Variants in ARHGAP26 observed in about 807,000 individuals in gnomAD.
ARHGAP26 encodes the protein Rho GTPase activating protein 26.
A neutral mutation model predicts 104.8 loss-of-function variants in ARHGAP26; 38 were observed. The ratio of observed to expected loss-of-function variants is 0.36; its 90% CI spans 0.28 to 0.48. The LOEUF is 0.48. Ranked by LOEUF, ARHGAP26 falls within the 20% of genes least tolerant of loss-of-function variation. ARHGAP26 has a pLI of 0.99. For missense variants in ARHGAP26, 704 were observed against 947.9 expected, an observed-to-expected ratio of 0.74 and a Z score of 3.38; for synonymous variants, 341 against 340.0, an observed-to-expected ratio of 1.00 and a Z score of -0.03.
At chr5:142,959,817 C>T (rs1392428092) in intron 11 of ARHGAP26, among the ~76,000 whole-genome samples, 2 of 152,186 alleles carry the variant, frequency 1.3e-5, no homozygotes, top group Non-Finnish European at 2.9e-5. Context: ...ATTGAATAAC[C>T]ACAGGAGGGA....
intron 1 of ARHGAP26, among the ~76,000 whole-genome samples, chr5:142,856,784 A>G (rs898497607): frequency 2.0e-5 from 3 of 152,222 alleles, no homozygotes; most frequent in African/African-American, 4.8e-5. Flanking sequence ...GGATGTTTGT[A>G]GGTTATATGC....
intron 1 of ARHGAP26, among the ~76,000 whole-genome samples, chr5:142,824,361 C>G (rs1366520242): frequency 6.6e-6 from 1 of 152,170 alleles, no homozygotes; most frequent in Non-Finnish European, 1.5e-5. Context: ...TCGTCCCTAT[C>G]AAACACCACA....
At chr5:142,788,780 G>A (rs1436999674) in intron 1 of ARHGAP26, among the ~76,000 whole-genome samples, 3 of 152,228 alleles carry the variant, frequency 2.0e-5, no homozygotes, top group Non-Finnish European at 4.4e-5. Flanking sequence ...ATTGGTATCT[G>A]TTGGGAGTCC....
At chr5:142,795,100 A>G (rs948269602) in intron 1 of ARHGAP26, among the ~76,000 whole-genome samples, 4 of 151,902 alleles carry the variant, frequency 2.6e-5, no homozygotes, top group Non-Finnish European at 5.9e-5. Context: ...ACCATTCCTA[A>G]CTCACAGGTC....
intron 17 of ARHGAP26, among the ~76,000 whole-genome samples, chr5:143,072,523 A>G (rs1788425799): frequency 6.6e-6 from 1 of 152,228 alleles, no homozygotes; most frequent in South Asian, 2.1e-4. Context: ...CAGCAGATGA[A>G]TGGATAATAT....
rs190967458 is a variant in ARHGAP26, at chr5:143,024,152, G to A, written c.1144+10036G>A. On this transcript the variant is annotated intron_variant, in intron 12 of 22. Transcript: ENST00000645722. ...CAGGGGGCTGGAGAGAGAAGAAGGGGCAGGAACAGCTTGTTTTTGCAGATA... is the reference window on the plus strand; with the variant it reads ...CAGGGGGCTGGAGAGAGAAGAAGGGACAGGAACAGCTTGTTTTTGCAGATA... 2.1e-3 allele frequency among the ~76,000 whole-genome samples: 315 copies of A among 152,288 alleles called. 3 individuals are homozygous for A. The highest frequency in any genetic ancestry group is 7.1e-3 in the African/African-American group (295 of 41,552).
At chr5:142,910,608 G>A (rs368822956) in intron 9 of ARHGAP26, among the ~76,000 whole-genome samples, 46 of 152,112 alleles carry the variant, frequency 3.0e-4, no homozygotes, top group African/African-American at 1.1e-3. Flanking sequence ...GTGCAGTGGC[G>A]CATGCCTGTA....
intron 1 of ARHGAP26, among the ~76,000 whole-genome samples, chr5:142,781,480 T>C (rs545409169): frequency 1.1e-4 from 17 of 152,264 alleles, no homozygotes; most frequent in African/African-American, 3.4e-4. Flanking sequence ...TGAGAGTCAT[T>C]CTCTTCTTAA....
Position 142,789,160 on chromosome 5 carries a change from A to G in ARHGAP26, c.154+18245A>G, listed in dbSNP as rs189911198. The stretch of plus-strand genomic sequence containing the variant: ...CAAGTGCTTACTTGGGAGCATTGGA[A>G]GAGTTAAATGGGGTAGCACGTGCAA... On this transcript the variant is annotated intron_variant, in intron 1 of 22. Coordinates refer to ENST00000645722, the MANE Select transcript of ARHGAP26 (RefSeq NM_001135608.3). Among the ~76,000 whole-genome samples the G allele has an allele frequency of 6.8e-3, 1,037 of 152,356 alleles. 3 individuals carry two copies. Among genetic ancestry groups the G allele is most frequent in the Non-Finnish European group, 9.9e-3 (675 of 68,022 alleles).
intron 20 of ARHGAP26, among the ~76,000 whole-genome samples, chr5:143,148,865 A>G (rs1174614846): frequency 6.6e-6 from 1 of 152,106 alleles, no homozygotes; most frequent in Non-Finnish European, 1.5e-5. Context: ...CTGTATGAGC[A>G]AGGTTGAATT....
intron 19 of ARHGAP26, among the ~76,000 whole-genome samples, chr5:143,142,225 G>C (rs568813636): frequency 2.2e-5 from 3 of 133,822 alleles, no homozygotes; most frequent in Non-Finnish European, 3.0e-5. Context: ...TGCAACCTTC[G>C]CCTCCCGGGT....
intron 1 of ARHGAP26, among the ~76,000 whole-genome samples, chr5:142,838,324 T>C (rs1056645398): frequency 2.0e-5 from 3 of 152,200 alleles, no homozygotes; most frequent in Non-Finnish European, 4.4e-5. Flanking sequence ...GTATGGTACC[T>C]TAACAAGGAA....
intron 1 of ARHGAP26, among the ~76,000 whole-genome samples, chr5:142,850,748 CAGTCTG>C (rs1213964922): frequency 6.6e-6 from 1 of 152,322 alleles, no homozygotes; most frequent in African/African-American, 2.4e-5. Flanking sequence ...CTAACTTCTT[CAGTCTG>C]CATACATTTT....
chr5:143,066,103 A>G (rs1033154090), intron 17 of ARHGAP26, among the ~76,000 whole-genome samples: 1 of 152,300 alleles, frequency 6.6e-6, no homozygotes, highest in South Asian at 2.1e-4. Context: ...TTAAGATTAT[A>G]TCATGTTTTT....
At position 143,174,171 on chromosome 5, in the gene ARHGAP26, G is replaced by A. The variant is rs193259618; in HGVS notation, c.1988+26790G>A. ...ATCCAGCTCAGAGATTCTGTCCCAT[G>A]CAAAATAAAAGATAGGTAACAATCT... On this transcript the variant is annotated intron_variant, in intron 20 of 22. Coordinates refer to ENST00000645722, the MANE Select transcript of ARHGAP26 (RefSeq NM_001135608.3). 2.6e-5 allele frequency among the ~76,000 whole-genome samples: 4 copies of A among 152,302 alleles called. No homozygotes were observed. The East Asian group carries it at 5.8e-4, about 22-fold the overall frequency.
At chr5:142,963,181 T>TATATATATATATAC (rs1770609672) in intron 11 of ARHGAP26, among the ~76,000 whole-genome samples, 10 of 111,564 alleles carry the variant, frequency 9.0e-5, no homozygotes, top group African/African-American at 4.6e-4. Flanking sequence ...TGTATATATA[T>TATATATATATATAC]ATATATATAT....
rs1222472041 is a variant in ARHGAP26, at chr5:142,875,092, C to T, written c.251-18C>T. The T allele has an allele frequency of 1.2e-6, 2 of 1,611,490 alleles. No individual in the cohort carries two copies. Among genetic ancestry groups the T allele is most frequent in the Non-Finnish European group, 1.7e-6 (2 of 1,177,852 alleles). ...CCATGACACTCCTTCCACCTCATGG[C>T]CCCTTTCTGTTTTCCAGCAAGATCT... On this transcript the variant is annotated intron_variant, in intron 2 of 22. Coordinates refer to ENST00000645722, the MANE Select transcript of ARHGAP26 (RefSeq NM_001135608.3).
chr5:143,075,720 G>T (rs1042295499), intron 17 of ARHGAP26, among the ~76,000 whole-genome samples: 3 of 151,950 alleles, frequency 2.0e-5, no homozygotes, highest in African/African-American at 7.3e-5. Context: ...TGTTTTTGAG[G>T]CAAGGCCTTG....
At chr5:142,891,212 T>C (rs1030107976) in intron 5 of ARHGAP26, among the ~76,000 whole-genome samples, 5 of 151,976 alleles carry the variant, frequency 3.3e-5, no homozygotes, top group Non-Finnish European at 7.3e-5. Flanking sequence ...AGCCACACGA[T>C]GCAGGGGGTG....
Sources: gnomAD v4.1 joint callset for allele counts (sites outside exome capture counted in the v4.1 genomes callset) on GRCh38, gnomAD v4.1.1 for gene constraint, MANE v1.5 for transcripts, NCBI Gene and HGNC (gene_info 2026-07-23, HGNC 2026-07-21) for gene names.